Variants in PPFIA2 observed in about 807,000 individuals in gnomAD.
PPFIA2 encodes liprin-alpha-2.
Under a neutral mutation model 175.5 loss-of-function variants are expected in PPFIA2, and 46 were observed. The ratio of observed to expected loss-of-function variants is 0.26; its 90% CI spans 0.21 to 0.34. The LOEUF (loss-of-function observed/expected upper bound fraction) is 0.34. Ranked by LOEUF, PPFIA2 falls within the 10% of genes least tolerant of loss-of-function variation. The pLI, the probability that PPFIA2 is intolerant of heterozygous loss-of-function variation, is 1.00. For synonymous variants in PPFIA2, 568 were observed against 511.4 expected (o/e 1.11, Z -1.49); for missense variants, 1,179 against 1,506.1 (o/e 0.78, Z 3.60).
At chr12:81,653,701 G>C (rs2067349072) in intron 4 of PPFIA2, among the ~76,000 whole-genome samples, 1 of 151,954 alleles carries the variant, frequency 6.6e-6, no homozygotes, top group Non-Finnish European at 1.5e-5. Flanking sequence ...GTTCTAGGTG[G>C]ATATAAATTT....
chr12:81,556,937 T>C (rs2153382515), intron 4 of PPFIA2, among the ~76,000 whole-genome samples: 1 of 152,068 alleles, frequency 6.6e-6, no homozygotes, highest in African/African-American at 2.4e-5. Context: ...TCAATAAAAA[T>C]TCAATATTAG....
At chr12:81,355,836 T>C (rs562640450) in intron 16 of PPFIA2, among the ~76,000 whole-genome samples, 10 of 152,336 alleles carry the variant, frequency 6.6e-5, no homozygotes, top group African/African-American at 2.2e-4. Flanking sequence ...TTTAAGGGAA[T>C]GTTGTCCATG....
intron 4 of PPFIA2, among the ~76,000 whole-genome samples, chr12:81,641,496 A>G (rs1393535236): frequency 6.6e-6 from 1 of 152,138 alleles, no homozygotes; most frequent in Non-Finnish European, 1.5e-5. Context: ...GTGAGGCTGT[A>G]TGAGTTCTGA....
rs2060334832 is a variant in PPFIA2 at position 81,353,305 on chromosome 12, G to A, written c.1808C>T (p.Thr603Ile). ...GCTGCTTAGTACTCCAATCTGTTGA[G>A]TTCTATTCCACTCGTGATCCCCAAG... ...KSLGDHEWNR[T>I]QQIGVLSSHP... Residue 603 changes from threonine (T) to isoleucine (I), a missense_variant, in exon 17 of 33, where the codon ACT (threonine) becomes ATT (isoleucine). This residue lies in a region of PPFIA2 where 186 missense variants were observed against 163.6 expected (regional missense o/e 1.14). Transcript: ENST00000549396. 2 of 1,613,362 alleles carry A rather than the reference G, an allele frequency of 1.2e-6. No homozygotes were observed.
chr12:81,363,155 AT>A (rs2031616565), intron 14 of PPFIA2, among the ~76,000 whole-genome samples: 1 of 151,552 alleles, frequency 6.6e-6, no homozygotes, highest in Non-Finnish European at 1.5e-5. Flanking sequence ...TCATTATTCT[AT>A]GAGGGTTAAA....
chr12:81,605,357 T>C (rs912763569), intron 4 of PPFIA2, among the ~76,000 whole-genome samples: 4 of 151,040 alleles, frequency 2.6e-5, no homozygotes, highest in Non-Finnish European at 5.9e-5. Context: ...AAGAACATAG[T>C]GGTGAAAGAG....
In PPFIA2 at chr12:81,267,962, C is replaced by CA; in HGVS notation, c.3435dup (p.Asp1146Ter). 1 of 1,599,096 alleles carries CA rather than the reference C, an allele frequency of 6.3e-7. No individual in the cohort carries two copies. The highest frequency in any genetic ancestry group is 8.5e-7 in the Non-Finnish European group (1 of 1,172,004). ...AATAATAAAGCTAAGCTGCTGTAGT[C>CA]AAAGTTTTCATCCAGGGCTATAAGT... On this transcript the variant is annotated frameshift_variant, in exon 29 of 33. Transcript: ENST00000549396. LOFTEE classifies it high-confidence loss of function.
chr12:81,689,102 G>C (rs1010356649), intron 3 of PPFIA2, among the ~76,000 whole-genome samples: 1 of 140,180 alleles, frequency 7.1e-6, no homozygotes, highest in African/African-American at 2.8e-5. Flanking sequence ...TAGAGCTAGG[G>C]GGAGAGATGA....
At chr12:81,488,100 CAGTT>C (rs796868606) in intron 4 of PPFIA2, among the ~76,000 whole-genome samples, 4 of 151,888 alleles carry the variant, frequency 2.6e-5, no homozygotes, top group African/African-American at 7.2e-5. Flanking sequence ...CTATACATAA[CAGTT>C]AGGGAGGTTT....
intron 3 of PPFIA2, among the ~76,000 whole-genome samples, chr12:81,712,701 C>T (rs2078096904): frequency 6.6e-6 from 1 of 150,810 alleles, no homozygotes; most frequent in African/African-American, 2.4e-5. Flanking sequence ...AGCCCCTTCA[C>T]TCTGACTCTA....
Position 81,259,630 on chromosome 12 carries a change from C to T in PPFIA2, c.*64G>A. 6.5e-7 allele frequency: 1 copy of T among 1,533,886 alleles called. No individual in the cohort carries two copies. Among genetic ancestry groups the T allele is most frequent in the Non-Finnish European group, 8.7e-7 (1 of 1,145,132 alleles). ...GCTCGTCTTCTTAGATGGTAGTGCACTTTAGGTAGAGTAGACTGAAAAGAC... is the reference window on the plus strand; with the variant it reads ...GCTCGTCTTCTTAGATGGTAGTGCATTTTAGGTAGAGTAGACTGAAAAGAC... On this transcript the variant is annotated 3_prime_UTR_variant, in exon 33 of 33. Coordinates refer to ENST00000549396, the MANE Select transcript of PPFIA2 (RefSeq NM_003625.5).
intron 4 of PPFIA2, among the ~76,000 whole-genome samples, chr12:81,671,314 T>G (rs1213584079): frequency 6.6e-6 from 1 of 151,896 alleles, no homozygotes; most frequent in Non-Finnish European, 1.5e-5. Context: ...ATCTCATGAG[T>G]CAATCCATTC....
intron 4 of PPFIA2, among the ~76,000 whole-genome samples, chr12:81,577,558 T>G (rs35111398): frequency 1.3e-5 from 2 of 151,854 alleles, no homozygotes; most frequent in Non-Finnish European, 2.9e-5. Flanking sequence ...ATGTAAACTT[T>G]TTAGAAAAGA....
At chr12:81,554,034 A>G (rs1275626187) in intron 4 of PPFIA2, among the ~76,000 whole-genome samples, 1 of 151,922 alleles carries the variant, frequency 6.6e-6, no homozygotes, top group South Asian at 2.1e-4. Context: ...TTTTTTTGCT[A>G]GAAATGGGGA....
chr12:81,735,985 G>C (rs1002607944), intron 3 of PPFIA2, among the ~76,000 whole-genome samples: 2 of 151,778 alleles, frequency 1.3e-5, no homozygotes, highest in Non-Finnish European at 1.5e-5. Context: ...AGTAAGTTTT[G>C]AAATCAGTAA....
chr12:81,445,444 T>C, intron 6 of PPFIA2, 112 bp downstream of exon 6: 1 of 940,538 alleles, frequency 1.1e-6, no homozygotes, highest in Non-Finnish European at 1.6e-6. Flanking sequence ...AACTCAAAAG[T>C]GTTCCTCAAC....
chr12:81,326,110 T>C (rs2054702640), intron 21 of PPFIA2, among the ~76,000 whole-genome samples: 1 of 152,142 alleles, frequency 6.6e-6, no homozygotes, highest in Non-Finnish European at 1.5e-5. Flanking sequence ...AGTGGCAACA[T>C]AATAAATGTG....
chr12:81,701,097 C>T (rs1345583902), intron 3 of PPFIA2, among the ~76,000 whole-genome samples: 1 of 152,126 alleles, frequency 6.6e-6, no homozygotes, highest in Non-Finnish European at 1.5e-5. Context: ...CGGCTTCCTT[C>T]TGCACATACA....
intron 8 of PPFIA2, among the ~76,000 whole-genome samples, chr12:81,386,304 TAAA>T (rs2038930672): frequency 6.7e-6 from 1 of 148,680 alleles, no homozygotes; most frequent in Admixed American, 6.7e-5. Context: ...AATAAATAAA[TAAA>T]TAAATAAATA....
Sources: allele counts gnomAD v4.1 joint callset (sites outside exome capture counted in the v4.1 genomes callset), GRCh38; gene constraint gnomAD v4.1.1; regional missense constraint gnomAD v4.1.1; transcripts MANE v1.5; gene names NCBI Gene and HGNC (gene_info 2026-07-23, HGNC 2026-07-21).